KHDRBS2: variants seen among roughly 807,000 people sequenced by gnomAD.
KHDRBS2 encodes the protein KH domain-containing, RNA-binding, signal transduction-associated protein 2.
In KHDRBS2, 26 loss-of-function variants were observed where a neutral mutation model predicts 44.3. The observed-to-expected ratio is 0.59, with a 90% confidence interval of 0.43 to 0.81. The LOEUF is 0.81. Among genes scored for constraint, KHDRBS2 ranks in the 40% least tolerant of loss-of-function variants. KHDRBS2 has a pLI of 0.00. For synonymous variants in KHDRBS2, 194 were observed against 151.1 expected, an observed-to-expected ratio of 1.28 and a Z score of -2.08; for missense variants, 476 against 433.1, an observed-to-expected ratio of 1.10 and a Z score of -0.88.
chr6:61,957,457 C>T (rs2127391003), intron 4 of KHDRBS2, among the ~76,000 whole-genome samples: 1 of 152,160 alleles, frequency 6.6e-6, no homozygotes, highest in South Asian at 2.1e-4. Flanking sequence ...AAGGAACAAC[C>T]CTGAGAAAGA....
chr6:61,785,699 G>C (rs1287019102), intron 6 of KHDRBS2, among the ~76,000 whole-genome samples: 1 of 151,916 alleles, frequency 6.6e-6, no homozygotes, highest in Non-Finnish European at 1.5e-5. Context: ...ATTATTTTCT[G>C]TATGTTTTAA....
At chr6:62,231,367 G>A (rs892017913) in intron 1 of KHDRBS2, among the ~76,000 whole-genome samples, 7 of 152,138 alleles carry the variant, frequency 4.6e-5, no homozygotes, top group Non-Finnish European at 8.8e-5. Context: ...AGAGAAGTTC[G>A]AGCAGGGAAA....
chr6:62,153,518 A>G (rs1815683887), intron 2 of KHDRBS2, among the ~76,000 whole-genome samples: 2 of 152,184 alleles, frequency 1.3e-5, no homozygotes, highest in Admixed American at 6.5e-5. Flanking sequence ...CGAAAAAGTA[A>G]CTAAGCACGA....
intron 2 of KHDRBS2, among the ~76,000 whole-genome samples, chr6:62,094,746 A>T (rs1800211493): frequency 6.6e-6 from 1 of 151,900 alleles, no homozygotes. Flanking sequence ...ATATGGTGAG[A>T]GTTAAGAATC....
chr6:62,145,790 G>A (rs1268049558), intron 2 of KHDRBS2, among the ~76,000 whole-genome samples: 2 of 151,738 alleles, frequency 1.3e-5, no homozygotes, highest in African/African-American at 2.4e-5. Flanking sequence ...GAGTGCTGAC[G>A]TGACACCACA....
intron 1 of KHDRBS2, among the ~76,000 whole-genome samples, chr6:62,212,682 T>G (rs1484715632): frequency 6.6e-6 from 1 of 152,092 alleles, no homozygotes; most frequent in Non-Finnish European, 1.5e-5. Flanking sequence ...AAAGAATACT[T>G]GAGATTACCA....
intron 1 of KHDRBS2, among the ~76,000 whole-genome samples, chr6:62,232,676 GT>G (rs1833072868): frequency 1.3e-5 from 2 of 151,998 alleles, no homozygotes; most frequent in Non-Finnish European, 2.9e-5. Context: ...ATATCCCTAC[GT>G]ATAGCCAGGT....
chr6:62,228,406 TTTCTC>T (rs1482879320), intron 1 of KHDRBS2, among the ~76,000 whole-genome samples: 8 of 152,110 alleles, frequency 5.3e-5, no homozygotes, highest in Non-Finnish European at 1.2e-4. Flanking sequence ...ATTTGATCCT[TTTCTC>T]TTCTCTTCTT....
chr6:61,620,215 T>C, the KHDRBS2 span, among the ~76,000 whole-genome samples: 89,704 of 151,822 alleles, frequency 0.59, 26,723 homozygotes, highest in African/African-American at 0.61. Context: ...ATCCACTTTC[T>C]TAATTCCTTT....
At chr6:61,883,367 T>C (rs1469767242) in intron 6 of KHDRBS2, among the ~76,000 whole-genome samples, 1 of 151,996 alleles carries the variant, frequency 6.6e-6, no homozygotes, top group African/African-American at 2.4e-5. Flanking sequence ...CTTTATGATA[T>C]AATACTTTAC....
At chr6:61,935,183 A>T (rs1209831696) in intron 4 of KHDRBS2, among the ~76,000 whole-genome samples, 1 of 152,192 alleles carries the variant, frequency 6.6e-6, no homozygotes, top group Non-Finnish European at 1.5e-5. Flanking sequence ...CATTTAAAAG[A>T]GGGAGTAGAG....
chr6:62,122,279 C>T (rs1480678878), intron 2 of KHDRBS2, among the ~76,000 whole-genome samples: 1 of 152,100 alleles, frequency 6.6e-6, no homozygotes, highest in Non-Finnish European at 1.5e-5. Flanking sequence ...AGGGCCCTGC[C>T]ATCTTCTGCA....
At chr6:61,805,892 G>T (rs1445159747) in intron 6 of KHDRBS2, among the ~76,000 whole-genome samples, 1 of 152,134 alleles carries the variant, frequency 6.6e-6, no homozygotes, top group African/African-American at 2.4e-5. Context: ...TACCATATCA[G>T]GTAGTAAACA....
Position 61,902,124 on chromosome 6 carries a change from T to C in KHDRBS2, c.484-753A>G, listed in dbSNP as rs1301114001. 2.0e-5 allele frequency among the ~76,000 whole-genome samples: 3 copies of C among 152,210 alleles called. No individual in the cohort carries two copies. The East Asian group carries it at 5.8e-4, about 29-fold the overall frequency. On this transcript the variant is annotated intron_variant, in intron 4 of 8. Transcript: ENST00000281156. Reference sequence around the variant, plus strand: ...GCACACCACCATGCCCGGCTAATTTTTGTATTTTTGGTAGAGACAGGGTTT... The same window carrying C: ...GCACACCACCATGCCCGGCTAATTTCTGTATTTTTGGTAGAGACAGGGTTT...
At chr6:61,772,348 A>G (rs1781068581) in intron 6 of KHDRBS2, among the ~76,000 whole-genome samples, 1 of 152,166 alleles carries the variant, frequency 6.6e-6, no homozygotes, top group African/African-American at 2.4e-5. Flanking sequence ...ATAGAGACAC[A>G]AAAAACCCTT....
chr6:61,973,283 G>GAGGA (rs1287514127), intron 4 of KHDRBS2, among the ~76,000 whole-genome samples: 1 of 152,002 alleles, frequency 6.6e-6, no homozygotes, highest in East Asian at 1.9e-4. Context: ...CTACTAGACT[G>GAGGA]AAAATTCTGC....
intron 7 of KHDRBS2, among the ~76,000 whole-genome samples, chr6:61,697,931 T>C (rs1768101690): frequency 6.6e-6 from 1 of 152,148 alleles, no homozygotes; most frequent in African/African-American, 2.4e-5. Flanking sequence ...GTCTTACGTG[T>C]TTCTTATCCG....
chr6:61,797,516 T>C (rs937885008), intron 6 of KHDRBS2, among the ~76,000 whole-genome samples: 4 of 152,108 alleles, frequency 2.6e-5, no homozygotes, highest in African/African-American at 9.7e-5. Context: ...ACTTAGCAAG[T>C]ACCAGGCCTC....
chr6:62,136,938 G>T (rs1811652632), intron 2 of KHDRBS2, among the ~76,000 whole-genome samples: 1 of 148,824 alleles, frequency 6.7e-6, no homozygotes, highest in Admixed American at 6.7e-5. Context: ...CTTCTATTTG[G>T]TCTGACCATT....
Sources: gnomAD v4.1 joint callset for allele counts (sites outside exome capture counted in the v4.1 genomes callset) on GRCh38, gnomAD v4.1.1 for gene constraint, MANE v1.5 for transcripts, NCBI Gene and HGNC (gene_info 2026-07-23, HGNC 2026-07-21) for gene names.